Variants in NTN4 observed in about 807,000 individuals in gnomAD.
NTN4 encodes the protein netrin-4.
In NTN4, 32 loss-of-function variants were observed where a neutral mutation model predicts 73.6. The observed-to-expected ratio is 0.44, with a 90% CI of 0.33 to 0.58. The LOEUF (loss-of-function observed/expected upper bound fraction) is 0.58. NTN4 is among the 20% of genes least tolerant of loss of function. The pLI is 0.04. For missense variants in NTN4, 654 were observed against 798.3 expected (o/e 0.82, Z 2.18); for synonymous variants, 258 against 287.5 (o/e 0.90, Z 1.04).
chr12:95,747,888 A>C (rs1212670006), intron 2 of NTN4, among the ~76,000 whole-genome samples: 1 of 152,118 alleles, frequency 6.6e-6, no homozygotes, highest in Non-Finnish European at 1.5e-5. Flanking sequence ...TTTTATGGTA[A>C]TCTTACACCC....
chr12:95,776,261 C>T (rs913817218), intron 2 of NTN4, among the ~76,000 whole-genome samples: 2 of 152,232 alleles, frequency 1.3e-5, no homozygotes, highest in African/African-American at 2.4e-5. Context: ...CACCTCTCCT[C>T]CTCCAAAGGA....
At chr12:95,786,168 A>T (rs1012592166) in intron 2 of NTN4, among the ~76,000 whole-genome samples, 1 of 152,214 alleles carries the variant, frequency 6.6e-6, no homozygotes, top group African/African-American at 2.4e-5. Context: ...GTATTTCTTC[A>T]TCTACTTATT....
chr12:95,786,783 G>T (rs550271490), intron 2 of NTN4, among the ~76,000 whole-genome samples, 156 bp downstream of exon 2: 3 of 152,152 alleles, frequency 2.0e-5, no homozygotes, highest in Non-Finnish European at 4.4e-5. Flanking sequence ...ACATTCATAT[G>T]TAAGGGTAAG....
At chr12:95,672,423 A>T in intron 7 of NTN4, 1 of 1,224,252 alleles carries the variant, frequency 8.2e-7, no homozygotes, top group African/African-American at 1.5e-5. Flanking sequence ...GGTGAAGCGC[A>T]GGCGGGCAGG....
intron 2 of NTN4, among the ~76,000 whole-genome samples, chr12:95,772,922 A>G (rs1456100382): frequency 6.6e-6 from 1 of 152,084 alleles, no homozygotes; most frequent in Non-Finnish European, 1.5e-5. Flanking sequence ...CACACAAGCC[A>G]GAGTAATCGT....
chr12:95,682,504 A>G (rs1225210827), intron 7 of NTN4, among the ~76,000 whole-genome samples: 2 of 152,018 alleles, frequency 1.3e-5, no homozygotes, highest in Admixed American at 1.3e-4. Context: ...AATCATCAGA[A>G]AACAAACAAA....
intron 3 of NTN4, among the ~76,000 whole-genome samples, chr12:95,731,508 G>T (rs2078737003): frequency 1.3e-5 from 2 of 152,188 alleles, no homozygotes; most frequent in Non-Finnish European, 2.9e-5. Flanking sequence ...AGAGGTTGCA[G>T]TGAGCCGAGA....
chr12:95,735,041 A>AAAAACAAAAC (rs946667283), intron 3 of NTN4, among the ~76,000 whole-genome samples: 1 of 152,222 alleles, frequency 6.6e-6, no homozygotes, highest in Non-Finnish European at 1.5e-5. Context: ...CTCCATCTCA[A>AAAAACAAAAC]AAAACAAAAC....
At chr12:95,668,233 A>G (rs537753654) in intron 8 of NTN4, among the ~76,000 whole-genome samples, 1 of 152,116 alleles carries the variant, frequency 6.6e-6, no homozygotes, top group Non-Finnish European at 1.5e-5. Flanking sequence ...TAATAAGACC[A>G]AGATGTTTCA....
chr12:95,754,374 C>A (rs1348588716), intron 2 of NTN4, among the ~76,000 whole-genome samples: 1 of 152,160 alleles, frequency 6.6e-6, no homozygotes, highest in Non-Finnish European at 1.5e-5. Context: ...ATTCTCTCTC[C>A]ATACCACCCC....
intron 2 of NTN4, among the ~76,000 whole-genome samples, chr12:95,741,127 GAAC>G (rs2078820370): frequency 6.6e-6 from 1 of 151,900 alleles, no homozygotes; most frequent in South Asian, 2.1e-4. Context: ...CCACTGCAGG[GAAC>G]AACCTTGTAG....
chr12:95,707,100 G>GGT (rs957348282), intron 5 of NTN4, among the ~76,000 whole-genome samples: 3 of 152,196 alleles, frequency 2.0e-5, no homozygotes, highest in African/African-American at 7.2e-5. Context: ...CTGCCTTTGT[G>GGT]TAACACAAGA....
At chr12:95,759,934 T>C (rs1467118103) in intron 2 of NTN4, among the ~76,000 whole-genome samples, 1 of 152,202 alleles carries the variant, frequency 6.6e-6, no homozygotes, top group Non-Finnish European at 1.5e-5. Context: ...TTCTACCAGC[T>C]GTGTAATTTC....
At chr12:95,665,714 G>C in intron 9 of NTN4, 96 bp downstream of exon 9, 1 of 911,280 alleles carries the variant, frequency 1.1e-6, no homozygotes, top group South Asian at 2.1e-5. Flanking sequence ...AGATGTTCTT[G>C]CTGAGTTTGT....
intron 5 of NTN4, among the ~76,000 whole-genome samples, chr12:95,694,358 C>A (rs1978409): frequency 0.76 from 115,258 of 152,052 alleles, 44,255 homozygotes; most frequent in East Asian, 0.92. Context: ...CTCGGCAGCG[C>A]CTCCAGGCTC....
intron 2 of NTN4, among the ~76,000 whole-genome samples, chr12:95,744,782 T>C (rs2078849405): frequency 6.6e-6 from 1 of 152,100 alleles, no homozygotes; most frequent in Admixed American, 6.6e-5. Flanking sequence ...TCTGGTATCA[T>C]TTTTCTTCTG....
At chr12:95,710,941 T>C (rs992224603) in intron 4 of NTN4, among the ~76,000 whole-genome samples, 5 of 152,128 alleles carry the variant, frequency 3.3e-5, no homozygotes, top group African/African-American at 9.7e-5. Flanking sequence ...GAGGTGGAGG[T>C]TGCAGTGAGC....
intron 7 of NTN4, among the ~76,000 whole-genome samples, chr12:95,671,997 T>C (rs1428431254): frequency 2.0e-5 from 3 of 151,744 alleles, no homozygotes; most frequent in East Asian, 3.9e-4. Flanking sequence ...AATATTCTCA[T>C]AGGTAGAAAT....
chr12:95,746,013 T>C (rs541581242), intron 2 of NTN4, among the ~76,000 whole-genome samples: 1 of 152,326 alleles, frequency 6.6e-6, no homozygotes, highest in South Asian at 2.1e-4. Flanking sequence ...ACCTTGTTTT[T>C]ACTAACCCTG....
Sources: gnomAD v4.1 joint callset for allele counts (sites outside exome capture counted in the v4.1 genomes callset) on GRCh38, gnomAD v4.1.1 for gene constraint, MANE v1.5 for transcripts, NCBI Gene and HGNC (gene_info 2026-07-23, HGNC 2026-07-21) for gene names.